The following MLPH variants were observed in gnomAD, a reference collection of about 807,000 sequenced individuals.
The protein encoded by MLPH is melanophilin, also known as exophilin-3.
In MLPH, 51 loss-of-function variants were observed where a neutral mutation model predicts 72.1. The ratio of observed to expected loss-of-function variants is 0.71; its 90% CI spans 0.56 to 0.89. The LOEUF (loss-of-function observed/expected upper bound fraction) is 0.89, where lower values mean the gene tolerates loss of function less well. MLPH is among the 40% of genes least tolerant of loss of function. The pLI is 0.00. For synonymous variants in MLPH, 301 were observed against 310.1 expected (o/e 0.97, Z 0.31); for missense variants, 743 against 759.9 (o/e 0.98, Z 0.26).
intron 6 of MLPH, 90 bp from the exon 7 acceptor site, chr2:237,525,511 C>G: frequency 7.5e-7 from 1 of 1,338,444 alleles, no homozygotes; most frequent in Non-Finnish European, 1.1e-6. Flanking sequence ...GCCTGGAAAG[C>G]CTCAGGGCTT....
intron 8 of MLPH, among the ~76,000 whole-genome samples, chr2:237,531,138 C>T (rs1321553257): frequency 6.6e-6 from 1 of 152,156 alleles, no homozygotes; most frequent in Admixed American, 6.5e-5. Flanking sequence ...GATCACTGGG[C>T]CAAAGGATAT....
chr2:237,502,950 C>T (rs2079682619), intron 2 of MLPH, among the ~76,000 whole-genome samples: 1 of 152,066 alleles, frequency 6.6e-6, no homozygotes, highest in African/African-American at 2.4e-5. Flanking sequence ...GAAACCCCAT[C>T]TCTACTAAAA....
chr2:237,540,029 A>G (rs960128175), intron 9 of MLPH, among the ~76,000 whole-genome samples: 1 of 152,210 alleles, frequency 6.6e-6, no homozygotes, highest in Non-Finnish European at 1.5e-5. Context: ...TCCCTAGAGT[A>G]AGGACGTCAG....
intron 2 of MLPH, among the ~76,000 whole-genome samples, chr2:237,497,108 A>G (rs944396320): frequency 2.0e-5 from 3 of 152,216 alleles, no homozygotes; most frequent in Non-Finnish European, 4.4e-5. Context: ...CACACAGGCT[A>G]GATCCCTCGC....
intron 12 of MLPH, chr2:237,545,767 C>T (rs774932084): frequency 3.7e-5 from 26 of 697,576 alleles, no homozygotes; most frequent in African/African-American, 5.8e-5. Flanking sequence ...AGGGTCATGA[C>T]GGAAAATACA....
intron 9 of MLPH, among the ~76,000 whole-genome samples, chr2:237,538,707 C>T (rs1045456771): frequency 6.6e-6 from 1 of 152,314 alleles, no homozygotes; most frequent in East Asian, 1.9e-4. Flanking sequence ...AGAGTGATCC[C>T]GTCTGCAGCT....
chr2:237,507,633 G>A (rs1360432814), intron 2 of MLPH, among the ~76,000 whole-genome samples: 1 of 152,154 alleles, frequency 6.6e-6, no homozygotes, highest in African/African-American at 2.4e-5. Flanking sequence ...CTCATCAAAA[G>A]TCTCCCGGTG....
At chr2:237,498,005 A>C (rs2079570362) in intron 2 of MLPH, among the ~76,000 whole-genome samples, 1 of 152,240 alleles carries the variant, frequency 6.6e-6, no homozygotes, top group Non-Finnish European at 1.5e-5. Flanking sequence ...CTGAGAGGGA[A>C]GCCCGTGGGC....
In MLPH at chr2:237,527,763, C is replaced by G. The variant is rs971505304; in HGVS notation, c.1020+247C>G. 2.9e-5 allele frequency: 16 copies of G among 548,720 alleles called. No homozygotes were observed. The African/African-American group carries it at 3.0e-4, about 10-fold the overall frequency. 34.0% of individuals were successfully genotyped at this position (548,720 alleles called of 1,614,324 possible). A position where few individuals can be genotyped will look rare whatever the true frequency, so the allele number is the denominator to read the frequency against. On this transcript the variant is annotated intron_variant, in intron 8 of 15. Transcript: ENST00000264605. ...AAAATCGAGTTTCCATAGGATCCAACAATTCCACTTCTTGGTATACACCCC... is the reference window on the plus strand; with the variant it reads ...AAAATCGAGTTTCCATAGGATCCAAGAATTCCACTTCTTGGTATACACCCC...
At chr2:237,526,744 T>C (rs943856520) in intron 7 of MLPH, among the ~76,000 whole-genome samples, 5 of 152,186 alleles carry the variant, frequency 3.3e-5, no homozygotes, top group Non-Finnish European at 1.5e-5. Flanking sequence ...ACGTTCTTTT[T>C]ACACACCAAC....
chr2:237,546,452 T>C, intron 12 of MLPH, 154 bp from the exon 13 acceptor site: 1 of 710,166 alleles, frequency 1.4e-6, no homozygotes, highest in South Asian at 1.5e-5. Context: ...CCCAGAGTCC[T>C]GGAGCGGCAT....
intron 4 of MLPH, 143 bp downstream of exon 4, chr2:237,511,244 C>G (rs2079896175): frequency 1.6e-6 from 1 of 627,052 alleles, no homozygotes; most frequent in Non-Finnish European, 2.8e-6. Flanking sequence ...ACATGCCTCT[C>G]TGTGAATTCC....
chr2:237,492,847 C>T (rs1019577449), intron 1 of MLPH, among the ~76,000 whole-genome samples: 1 of 152,206 alleles, frequency 6.6e-6, no homozygotes, highest in Non-Finnish European at 1.5e-5. Context: ...TGTGGAGTCT[C>T]CCAACTTTTC....
chr2:237,493,050 G>C (rs1236586121), intron 1 of MLPH, among the ~76,000 whole-genome samples: 1 of 152,158 alleles, frequency 6.6e-6, no homozygotes, highest in Non-Finnish European at 1.5e-5. Flanking sequence ...TTCTCCCAGG[G>C]TTTTCCATTG....
rs1056996329 is a variant in MLPH, at chr2:237,493,654, G to A, written c.110+118G>A. The A allele has an allele frequency of 1.1e-5, 8 of 752,618 alleles. No homozygotes were observed. The African/African-American group carries it at 1.4e-4, about 13-fold the overall frequency. 46.6% of individuals were successfully genotyped at this position (752,618 alleles called of 1,614,324 possible). ...CGTGCAGGGTGAAGAGTGATGGACA[G>A]GAAGCCAGGTCTGGGACACAGCTCT... On this transcript the variant is annotated intron_variant, in intron 2 of 15. Transcript: ENST00000264605.
intron 4 of MLPH, chr2:237,511,593 C>T (rs1475414635): frequency 5.5e-6 from 1 of 180,956 alleles, no homozygotes; most frequent in Non-Finnish European, 1.2e-5. Flanking sequence ...ATTGAATCAC[C>T]AGGGTGCTTG....
intron 1 of MLPH, among the ~76,000 whole-genome samples, chr2:237,489,360 T>C (rs1022887077): frequency 6.6e-6 from 1 of 152,218 alleles, no homozygotes; most frequent in Non-Finnish European, 1.5e-5. Context: ...CCAGTGCTGT[T>C]GCTGCTGGGG....
intron 12 of MLPH, chr2:237,545,421 T>C (rs1337699176): frequency 2.3e-6 from 3 of 1,278,230 alleles, no homozygotes; most frequent in African/African-American, 3.1e-5. Context: ...TTGGGGTTCA[T>C]TTTTGTTTAT....
intron 2 of MLPH, among the ~76,000 whole-genome samples, chr2:237,501,663 CTAAAAAAAA>C (rs2079650313): frequency 9.8e-6 from 1 of 101,666 alleles, no homozygotes; most frequent in Admixed American, 1.1e-4. Context: ...CACGTCTCTA[CTAAAAAAAA>C]AAAAAAAAAA....
Sources: allele counts gnomAD v4.1 joint callset (sites outside exome capture counted in the v4.1 genomes callset), GRCh38; gene constraint gnomAD v4.1.1; transcripts MANE v1.5; gene names NCBI Gene and HGNC (gene_info 2026-07-23, HGNC 2026-07-21).